Variants in SYNE2 observed in about 807,000 individuals in gnomAD.
SYNE2 encodes the protein spectrin repeat containing nuclear envelope protein 2.
SYNE2 carries 431 observed loss-of-function variants against 856.3 expected under a neutral mutation model. That is an observed-to-expected ratio of 0.50 (90% CI 0.47 to 0.55). The LOEUF is 0.55. SYNE2 is among the 20% of genes least tolerant of loss of function. The pLI is 0.00. For synonymous variants in SYNE2, 2,923 were observed against 2,872.3 expected, an observed-to-expected ratio of 1.02 and a Z score of -0.56; for missense variants, 8,129 against 8,023.2, an observed-to-expected ratio of 1.01 and a Z score of -0.50.
intron 63 of SYNE2, among the ~76,000 whole-genome samples, 181 bp from the exon 64 acceptor site, chr14:64,101,751 T>C (rs1354290597): frequency 6.6e-6 from 1 of 152,188 alleles, no homozygotes; most frequent in African/African-American, 2.4e-5. Flanking sequence ...GCCACATTTG[T>C]AAACATGATA....
chr14:63,941,209 C>A (rs1595767695), intron 3 of SYNE2, among the ~76,000 whole-genome samples: 1 of 152,228 alleles, frequency 6.6e-6, no homozygotes, highest in Admixed American at 6.5e-5. Flanking sequence ...TGATCATAAT[C>A]ACTGTGCCAT....
At position 64,017,631 on chromosome 14, in the gene SYNE2, G is replaced by C; in HGVS notation, c.4924G>C (p.Gly1642Arg). ...GACAGAAGATTACTATGAAAATCTT[G>C]GTCGAGCTCTAGCTTTGTGGGACAA... is the stretch of plus-strand genomic sequence containing the variant. ...EKTEDYYENL[G>R]RALALWDKLF... The change falls in exon 34 of 116, where the codon GGT becomes CGT. Residue 1642 changes from glycine (G) to arginine (R), a missense_variant. Transcript: ENST00000555002. The C allele has an allele frequency of 1.2e-6, 2 of 1,613,016 alleles. No homozygotes were observed. Among genetic ancestry groups the C allele is most frequent in the South Asian group, 2.2e-5 (2 of 91,040 alleles).
Position 64,065,471 on chromosome 14 carries a change from A to C in SYNE2, c.10252A>C (p.Met3418Leu), listed in dbSNP as rs1286129203. 6 of 1,614,218 alleles carry C rather than the reference A, an allele frequency of 3.7e-6. No individual in the cohort carries two copies. The highest frequency in any genetic ancestry group is 1.7e-5 in the Admixed American group (1 of 60,022). ...TCTTATATCAACCAAAGAAGAGTTA[A>C]TGAAACTACGACAGATCCTTAGACT... The part of the protein sequence containing the change: ...SNLISTKEEL[M>L]KLRQILRLLR... The change falls in exon 51 of 116, where the codon ATG becomes CTG. Residue 3418 changes from methionine (M) to leucine (L), a missense_variant. Physicochemically the swap from Met to Leu is conservative, Grantham distance 15. Around this residue, in one of 3 missense-constraint regions of SYNE2, gnomAD observed 5,410 missense variants for 5,284.8 expected, o/e 1.02. Transcript: ENST00000555002.
chr14:64,213,657 T>C (rs2098652781), intron 105 of SYNE2, among the ~76,000 whole-genome samples: 1 of 152,098 alleles, frequency 6.6e-6, no homozygotes, highest in Admixed American at 6.6e-5. Flanking sequence ...GCCTCAAAAA[T>C]TACCCCACAA....
intron 75 of SYNE2, 60 bp downstream of exon 75, chr14:64,129,961 C>A (rs1243238150): frequency 6.2e-7 from 1 of 1,613,660 alleles, no homozygotes; most frequent in Non-Finnish European, 8.5e-7. Flanking sequence ...AGATCCTTTT[C>A]TTCCACCAGC....
At chr14:63,969,779 A>G (rs1309847296) in intron 11 of SYNE2, among the ~76,000 whole-genome samples, 2 of 152,162 alleles carry the variant, frequency 1.3e-5, no homozygotes, top group Non-Finnish European at 2.9e-5. Context: ...TAATTTTCAC[A>G]TATAATGTTC....
rs569392505 is a variant in SYNE2, at chr14:63,775,656, C to A, written c.-305+13670C>A. Among the ~76,000 whole-genome samples the A allele has an allele frequency of 5.1e-4, 78 of 152,250 alleles. 1 individual carries two copies. Among genetic ancestry groups the A allele is most frequent in the African/African-American group, 1.8e-3 (75 of 41,556 alleles). On this transcript the variant is annotated intron_variant, in intron 1 of 23. Coordinates refer to the SYNE2 transcript ENST00000674003. Reference sequence around the variant, plus strand: ...AATGTAGTGATGTTACCACGGCTCACTGCAGCCTCAACCTCCTTGCCTCAA... The same window carrying A: ...AATGTAGTGATGTTACCACGGCTCAATGCAGCCTCAACCTCCTTGCCTCAA...
chr14:64,084,903 A>G, intron 57 of SYNE2: 2 of 700,504 alleles, frequency 2.9e-6, no homozygotes, highest in Non-Finnish European at 2.6e-6. Flanking sequence ...AGGAGGTGGG[A>G]TCTGCTTCCA....
intron 1 of SYNE2, among the ~76,000 whole-genome samples, chr14:63,877,718 T>C (rs1278909899): frequency 6.6e-6 from 1 of 152,188 alleles, no homozygotes; most frequent in African/African-American, 2.4e-5. Flanking sequence ...GCGTTATCTT[T>C]CATGAGTAGA....
intron 30 of SYNE2, among the ~76,000 whole-genome samples, chr14:64,004,400 G>A (rs1259068670): frequency 2.0e-5 from 3 of 151,652 alleles, no homozygotes; most frequent in Non-Finnish European, 2.9e-5. Flanking sequence ...GCATGATCTC[G>A]GCTCGCTGCA....
intron 1 of SYNE2, among the ~76,000 whole-genome samples, chr14:63,818,041 A>AC (rs1889069366): frequency 1.4e-5 from 2 of 146,802 alleles, no homozygotes; most frequent in African/African-American, 5.1e-5. Context: ...AAAAAAAAAA[A>AC]AAAAACAAAT....
In SYNE2 at chr14:63,908,168, A is replaced by T. The variant is rs191364541; in HGVS notation, c.-51-930A>T. On this transcript the variant is annotated intron_variant, in intron 1 of 115. Coordinates refer to ENST00000555002, the MANE Select transcript of SYNE2 (RefSeq NM_182914.3). Reference sequence around the variant, plus strand: ...GTTCCACGCCGCCCCCTCCCCCAGCATTTTATTATGCAAAATTTCTAGTAT... The same window carrying T: ...GTTCCACGCCGCCCCCTCCCCCAGCTTTTTATTATGCAAAATTTCTAGTAT... Among the ~76,000 whole-genome samples, 610 of 152,090 alleles carry T rather than the reference A, an allele frequency of 4.0e-3. 10 individuals are homozygous for T. Among genetic ancestry groups the T allele is most frequent in the African/African-American group, 0.014 (573 of 41,494 alleles).
At position 63,915,506 on chromosome 14, in the gene SYNE2, C is replaced by T. The variant is rs181694181; in HGVS notation, c.79+6279C>T. Among the ~76,000 whole-genome samples the T allele has an allele frequency of 6.0e-4, 91 of 152,268 alleles. 1 individual carries two copies. The highest frequency in any genetic ancestry group is 5.6e-3 in the Admixed American group (85 of 15,276). On this transcript the variant is annotated intron_variant, in intron 2 of 115. Transcript: ENST00000555002. ...ACAGCATCCAGATACAGAATATTAT[C>T]ATTAATTAGGCACTGAACTAGGAAT...
chr14:64,125,252 TAAAC>T (rs762636024), intron 71 of SYNE2, 42 bp downstream of exon 71: 49 of 1,612,132 alleles, frequency 3.0e-5, no homozygotes, highest in Non-Finnish European at 3.8e-5. Context: ...TGTAATAACA[TAAAC>T]AAAGGAGATA....
intron 100 of SYNE2, among the ~76,000 whole-genome samples, chr14:64,206,659 T>G (rs2098606803): frequency 1.3e-5 from 2 of 152,228 alleles, no homozygotes; most frequent in South Asian, 4.1e-4. Flanking sequence ...TCAGTTTTCT[T>G]TAGCCATTTG....
intron 63 of SYNE2, among the ~76,000 whole-genome samples, chr14:64,100,677 G>A (rs2097721179): frequency 6.9e-6 from 1 of 145,416 alleles, no homozygotes; most frequent in Admixed American, 6.9e-5. Context: ...ATTTTTTTTT[G>A]TAATGAGAAA....
Position 63,961,678 on chromosome 14 carries a change from G to A in SYNE2, c.888+53G>A, listed in dbSNP as rs1336218294. 3.8e-6 allele frequency: 5 copies of A among 1,302,406 alleles called. No homozygotes were observed. The South Asian group carries it at 4.9e-5, about 13-fold the overall frequency. 80.7% of individuals were successfully genotyped at this position (1,302,406 alleles called of 1,614,324 possible). On this transcript the variant is annotated intron_variant, in intron 9 of 115. Transcript: ENST00000555002. ...TCATTTTAGTTGTATCCTGCTAATG[G>A]TTTAATTTTTAAAATCAAGATATAA...
chr14:63,974,880 G>GTGTA (rs2096524933), intron 11 of SYNE2, among the ~76,000 whole-genome samples: 1 of 28,564 alleles, frequency 3.5e-5, no homozygotes, highest in African/African-American at 1.3e-4. Flanking sequence ...GTGTGTGTGT[G>GTGTA]TGTGTGTGTG....
intron 11 of SYNE2, among the ~76,000 whole-genome samples, chr14:63,970,917 T>G (rs1488572751): frequency 6.6e-6 from 1 of 151,930 alleles, no homozygotes; most frequent in Non-Finnish European, 1.5e-5. Flanking sequence ...CCTCCCAAAG[T>G]GCTGGTATTA....
Sources: allele counts gnomAD v4.1 joint callset (sites outside exome capture counted in the v4.1 genomes callset), GRCh38; gene constraint gnomAD v4.1.1; regional missense constraint gnomAD v4.1.1; transcripts MANE v1.5; gene names NCBI Gene and HGNC (gene_info 2026-07-23, HGNC 2026-07-21).